SERPINB5: variants seen among roughly 807,000 people sequenced by gnomAD.
The protein encoded by SERPINB5 is serpin family B member 5, also known as serpin B5.
Under a neutral mutation model 32.2 loss-of-function variants are expected in SERPINB5, and 27 were observed. That is an observed-to-expected ratio of 0.84 (90% CI 0.62 to 1.16). The LOEUF is 1.16. Ranked by LOEUF, SERPINB5 falls within the 50% of genes most tolerant of loss-of-function variation. The pLI, the probability that SERPINB5 is intolerant of heterozygous loss-of-function variation, is 0.00. For synonymous variants in SERPINB5, 154 were observed against 157.4 expected (o/e 0.98, Z 0.16); for missense variants, 388 against 436.3 (o/e 0.89, Z 0.99).
chr18:63,491,832 G>A (rs999587304), intron 4 of SERPINB5, among the ~76,000 whole-genome samples: 8 of 152,174 alleles, frequency 5.3e-5, no homozygotes, highest in East Asian at 3.9e-4. Flanking sequence ...AAGCTCTGTC[G>A]TTTACCGGCT....
intron 5 of SERPINB5, chr18:63,497,279 A>G (rs1199841325): frequency 1.2e-5 from 14 of 1,128,994 alleles, no homozygotes; most frequent in Non-Finnish European, 1.9e-5. Context: ...ATCATTGGTT[A>G]TTCCAGGAAC....
intron 3 of SERPINB5, among the ~76,000 whole-genome samples, chr18:63,489,037 C>T (rs1175175724): frequency 6.6e-6 from 1 of 151,988 alleles, no homozygotes; most frequent in Non-Finnish European, 1.5e-5. Flanking sequence ...TGTAGACATA[C>T]AAAATTTTCA....
Position 63,498,749 on chromosome 18 carries a change from G to GTATATATA in SERPINB5, c.568-365_568-358dup, listed in dbSNP as rs386387948. 9.0e-3 allele frequency among the ~76,000 whole-genome samples: 1,357 copies of GTATATATA among 149,956 alleles called. 23 individuals carry two copies. Among genetic ancestry groups the GTATATATA allele is most frequent in the African/African-American group, 0.03 (1,237 of 40,834 alleles). On this transcript the variant is annotated intron_variant, in intron 5 of 6. Transcript: ENST00000382771. The surrounding 1 kb of genome is among the most constrained non-coding windows in gnomAD (Gnocchi z 4.2). ...GACACTGTGTCAAGAGCAAATTTGT[G>GTATATATA]TATATATATATATGTACATATATAT...
intron 4 of SERPINB5, among the ~76,000 whole-genome samples, chr18:63,491,560 C>T (rs372546893): frequency 1.2e-4 from 18 of 151,606 alleles, no homozygotes; most frequent in Admixed American, 3.9e-4. Context: ...CTGTAACCTC[C>T]GCCTCCCAGG....
At chr18:63,503,222 G>A in intron 6 of SERPINB5, 108 bp from the exon 7 acceptor site, 1 of 1,267,430 alleles carries the variant, frequency 7.9e-7, no homozygotes, top group Non-Finnish European at 1.1e-6. Flanking sequence ...GTTCCACCCA[G>A]ACTGCTTTGA....
intron 5 of SERPINB5, among the ~76,000 whole-genome samples, chr18:63,495,189 C>T (rs1376576514): frequency 2.0e-5 from 3 of 152,250 alleles, no homozygotes; most frequent in Non-Finnish European, 2.9e-5. Context: ...TGACCCTGCA[C>T]ACAAGAGGTC....
intron 4 of SERPINB5, among the ~76,000 whole-genome samples, 155 bp from the exon 5 acceptor site, chr18:63,492,798 G>A (rs1337906822): frequency 6.6e-6 from 1 of 152,166 alleles, no homozygotes; most frequent in East Asian, 1.9e-4. Flanking sequence ...TAGAAGGAGA[G>A]AAAGGAGTCC....
At chr18:63,482,273 T>A (rs1034055754) in intron 1 of SERPINB5, among the ~76,000 whole-genome samples, 2 of 152,184 alleles carry the variant, frequency 1.3e-5, no homozygotes, top group African/African-American at 4.8e-5. Context: ...GCAATCCTAT[T>A]CATCATGCCT....
At chr18:63,484,315 G>C in intron 1 of SERPINB5, 107 bp from the exon 2 acceptor site, 3 of 1,091,500 alleles carry the variant, frequency 2.7e-6, no homozygotes, top group Non-Finnish European at 3.8e-6. Context: ...TTTCTTCTGA[G>C]ATCAATTACT....
intron 5 of SERPINB5, among the ~76,000 whole-genome samples, chr18:63,494,707 C>T (rs1337508066): frequency 6.6e-6 from 1 of 152,182 alleles, no homozygotes; most frequent in Non-Finnish European, 1.5e-5. Context: ...TTCCATTACT[C>T]TTTCTTTCTT....
rs983600139 is a variant in SERPINB5 at position 63,504,557 on chromosome 18, A to C, written c.*835A>C. ...TATAGACCTCTAGTAGCTGAAATGCAAGACCCCAAGAGGAAGTTCAGATCT... is the reference window on the plus strand; with the variant it reads ...TATAGACCTCTAGTAGCTGAAATGCCAGACCCCAAGAGGAAGTTCAGATCT... On this transcript the variant is annotated 3_prime_UTR_variant, in exon 7 of 7. Transcript: ENST00000382771. 1 of 152,250 alleles carries C rather than the reference A, an allele frequency of 6.6e-6. No individual in the cohort carries two copies. The highest frequency in any genetic ancestry group is 2.1e-4 in the South Asian group (1 of 4,838). 9.4% of individuals were successfully genotyped at this position (152,250 alleles called of 1,614,324 possible).
At chr18:63,493,366 G>A in intron 5 of SERPINB5, 1 of 561,360 alleles carries the variant, frequency 1.8e-6, no homozygotes, top group Non-Finnish European at 3.1e-6. Flanking sequence ...TAAGTCACCA[G>A]CTGAAAAATA....
rs1917223589 is a variant in SERPINB5, at chr18:63,486,952, C to G, written c.175C>G (p.His59Asp). 1 of 1,613,650 alleles carries G rather than the reference C, an allele frequency of 6.2e-7. No individual in the cohort carries two copies. The highest frequency in any genetic ancestry group is 8.5e-7 in the Non-Finnish European group (1 of 1,179,820). Residue 59 changes from histidine to aspartate, a missense_variant, in exon 3 of 7, where the codon CAT becomes GAT. Physicochemically the swap from His to Asp is moderately conservative, Grantham distance 81. Coordinates refer to ENST00000382771, the MANE Select transcript of SERPINB5 (RefSeq NM_002639.5). Reference sequence around the variant, plus strand: ...CGGATTTTTCTCTTAACAGGTTCTTCATTTTGAAAATGTCAAAGATGTACC... The same window carrying G: ...CGGATTTTTCTCTTAACAGGTTCTTGATTTTGAAAATGTCAAAGATGTACC... ...DTANEIGQVL[H>D]FENVKDVPFG...
At chr18:63,493,943 T>C (rs1484648777) in intron 5 of SERPINB5, among the ~76,000 whole-genome samples, 1 of 152,152 alleles carries the variant, frequency 6.6e-6, no homozygotes, top group Non-Finnish European at 1.5e-5. Flanking sequence ...GGCTTACTCA[T>C]TGACATCACT....
rs147782595 is a variant in SERPINB5, at chr18:63,484,472, T to A, written c.44T>A (p.Leu15Gln). The change falls in exon 2 of 7, where the codon CTG becomes CAG. Residue 15 changes from leucine (L) to glutamine (Q), a missense_variant. Transcript: ENST00000382771. ...GCAAATTCGGCTTTTGCCGTTGATC[T>A]GTTCAAACAACTATGTGAAAAGGAG... The part of the protein sequence containing the change: ...QLANSAFAVD[L>Q]FKQLCEKEPL... 6.2e-7 allele frequency: 1 copy of A among 1,613,786 alleles called. No individual in the cohort carries two copies. Among genetic ancestry groups the A allele is most frequent in the East Asian group, 2.2e-5 (1 of 44,876 alleles).
chr18:63,493,205 C>T (rs772477651), intron 5 of SERPINB5, 110 bp downstream of exon 5: 33 of 1,421,004 alleles, frequency 2.3e-5, no homozygotes, highest in East Asian at 1.9e-4. Flanking sequence ...AGGGCACGGC[C>T]GGCAAAGTGC....
chr18:63,499,236 G>A lies in SERPINB5; in HGVS notation c.684G>A (p.Met228Ile). ...CTTTTCAAAATAAGCATCTCAGCAT[G>A]TTCATCCTACTACCCAAGGATGTGG... Reference protein sequence around the residue: ...ELPFQNKHLSMFILLPKDVED... With the variant: ...ELPFQNKHLSIFILLPKDVED... Residue 228 changes from methionine to isoleucine, a missense_variant, in exon 6 of 7, where the codon ATG becomes ATA. Coordinates refer to ENST00000382771, the MANE Select transcript of SERPINB5 (RefSeq NM_002639.5). 6.2e-7 allele frequency: 1 copy of A among 1,600,588 alleles called. No individual in the cohort carries two copies.
At chr18:63,489,018 A>G (rs1047196665) in intron 3 of SERPINB5, among the ~76,000 whole-genome samples, 1 of 152,214 alleles carries the variant, frequency 6.6e-6, no homozygotes, top group African/African-American at 2.4e-5. Context: ...ATTCTAATAT[A>G]TATGTATCTG....
At chr18:63,481,626 T>C (rs1275393466) in intron 1 of SERPINB5, among the ~76,000 whole-genome samples, 1 of 152,262 alleles carries the variant, frequency 6.6e-6, no homozygotes, top group African/African-American at 2.4e-5. Context: ...TGTTGAGTTT[T>C]ACTTGTAGAT....
Sources: allele counts gnomAD v4.1 joint callset (sites outside exome capture counted in the v4.1 genomes callset), GRCh38; gene constraint gnomAD v4.1.1; non-coding constraint Gnocchi (gnomAD v3.1); transcripts MANE v1.5; gene names NCBI Gene and HGNC (gene_info 2026-07-23, HGNC 2026-07-21).